The following EIPR1 variants were observed in gnomAD, a reference collection of about 807,000 sequenced individuals.
EIPR1 encodes the protein EARP and GARP complex-interacting protein 1.
EIPR1 carries 25 observed loss-of-function variants against 48.1 expected under a neutral mutation model. The ratio of observed to expected loss-of-function variants is 0.52; its 90% CI spans 0.38 to 0.73. The LOEUF is 0.73. Ranked by LOEUF, EIPR1 falls within the 30% of genes least tolerant of loss-of-function variation. The probability of loss-of-function intolerance (pLI) is 0.00; values close to 1 mark genes in which losing one functional copy is unlikely to be tolerated. For synonymous variants in EIPR1, 204 were observed against 201.9 expected (o/e 1.01, Z -0.09); for missense variants, 415 against 506.2 (o/e 0.82, Z 1.73).
In EIPR1 at chr2:3,221,742, A is replaced by G. The variant is rs13424044; in HGVS notation, c.417-7494T>C. 1.0e-3 allele frequency among the ~76,000 whole-genome samples: 10 copies of G among 9,828 alleles called. 3 individuals are homozygous for G. The highest frequency in any genetic ancestry group is 2.0e-3 in the Non-Finnish European group (5 of 2,502). 6.4% of individuals were successfully genotyped at this position (9,828 alleles called of 152,430 possible). A position where few individuals can be genotyped will look rare whatever the true frequency, so the allele number is the denominator to read the frequency against. Reference sequence around the variant, plus strand: ...CACAATGGCCAAGATACACTCTAGAACATTCACAGTGAGTCGGGAACACAT... The same window carrying G: ...CACAATGGCCAAGATACACTCTAGAGCATTCACAGTGAGTCGGGAACACAT... On this transcript the variant is annotated intron_variant, in intron 4 of 8. Coordinates refer to ENST00000382125, the MANE Select transcript of EIPR1 (RefSeq NM_003310.5).
At chr2:3,247,337 G>A (rs1666864918) in intron 4 of EIPR1, among the ~76,000 whole-genome samples, 1 of 152,108 alleles carries the variant, frequency 6.6e-6, no homozygotes, top group Non-Finnish European at 1.5e-5. Flanking sequence ...TACAGTGAAG[G>A]TGCATAACTC....
At chr2:3,319,121 A>G in intron 3 of EIPR1, 1 of 359,136 alleles carries the variant, frequency 2.8e-6, no homozygotes, top group South Asian at 2.1e-5. Flanking sequence ...GTCATTACAA[A>G]TGTCACTCTG....
At chr2:3,236,446 C>A (rs943808614) in intron 4 of EIPR1, among the ~76,000 whole-genome samples, 1 of 152,184 alleles carries the variant, frequency 6.6e-6, no homozygotes, top group Non-Finnish European at 1.5e-5. Flanking sequence ...TGACTTCACT[C>A]AGGAGGAGGA....
At chr2:3,325,127 A>T (rs1038966178) in intron 3 of EIPR1, among the ~76,000 whole-genome samples, 1 of 152,168 alleles carries the variant, frequency 6.6e-6, no homozygotes, top group Non-Finnish European at 1.5e-5. Context: ...CAGAGCTACA[A>T]CTGGGCCCAA....
In EIPR1 at chr2:3,189,338, A is replaced by G; in HGVS notation, c.1160T>C (p.Leu387Pro). Residue 387 changes from leucine to proline, a missense_variant, in exon 9 of 9, where the codon CTA (leucine) becomes CCA (proline). By Grantham distance (98) the Leu-to-Pro change is moderately conservative. Transcript: ENST00000382125. This position sits in a 1 kb window ranked among gnomAD's most constrained non-coding sequence, Gnocchi z 4.6. ...TGGATAACCCAGGCCCGGGAGTCAT[A>G]GCAGGATGTGGTACTTCAGGGCCCT... ...VPRALKYHIL[L>P] 6.3e-7 allele frequency: 1 copy of G among 1,582,508 alleles called. No homozygotes were observed. The highest frequency in any genetic ancestry group is 8.6e-7 in the Non-Finnish European group (1 of 1,157,464).
intron 2 of EIPR1, among the ~76,000 whole-genome samples, chr2:3,343,155 C>A (rs141987983): frequency 6.6e-6 from 1 of 152,180 alleles, no homozygotes; most frequent in East Asian, 1.9e-4. Context: ...TCCTGGCATG[C>A]GAGCTCTGCC....
At chr2:3,264,497 G>T (rs1667427989) in intron 3 of EIPR1, among the ~76,000 whole-genome samples, 1 of 152,190 alleles carries the variant, frequency 6.6e-6, no homozygotes, top group Non-Finnish European at 1.5e-5. Flanking sequence ...AAATAAGGAA[G>T]CTCCAAGCAC....
intron 3 of EIPR1, among the ~76,000 whole-genome samples, chr2:3,274,176 T>A (rs2694081): frequency 0.57 from 86,740 of 151,972 alleles, 25,124 homozygotes; most frequent in East Asian, 0.75. Flanking sequence ...TACCCTTAAG[T>A]GGGGTGCACA....
chr2:3,213,577 C>T (rs115640769), intron 5 of EIPR1, among the ~76,000 whole-genome samples: 1 of 152,332 alleles, frequency 6.6e-6, no homozygotes, highest in African/African-American at 2.4e-5. Flanking sequence ...GTCAAAAGGA[C>T]AGCACGCTTG....
At chr2:3,318,888 C>T (rs1457479869) in intron 3 of EIPR1, 1 of 471,342 alleles carries the variant, frequency 2.1e-6, no homozygotes, top group Non-Finnish European at 4.4e-6. Context: ...AGACCTGGTG[C>T]AACGTGTTTA....
chr2:3,319,472 AT>A (rs1208258379), intron 3 of EIPR1: 1 of 163,512 alleles, frequency 6.1e-6, no homozygotes, highest in Non-Finnish European at 1.3e-5. Context: ...CCGTTACCTC[AT>A]GTATAAAATA....
intron 3 of EIPR1, among the ~76,000 whole-genome samples, chr2:3,311,503 T>G (rs906476507): frequency 2.6e-5 from 4 of 152,178 alleles, no homozygotes; most frequent in Non-Finnish European, 5.9e-5. Context: ...GTGGCATATT[T>G]TAAATCTGAG....
At chr2:3,210,792 G>A (rs931101142) in intron 5 of EIPR1, among the ~76,000 whole-genome samples, 1 of 152,018 alleles carries the variant, frequency 6.6e-6, no homozygotes, top group African/African-American at 2.4e-5. Context: ...CACCACGCCT[G>A]GCTAATTTAT....
chr2:3,211,894 C>G (rs1187364152), intron 5 of EIPR1, among the ~76,000 whole-genome samples: 1 of 152,258 alleles, frequency 6.6e-6, no homozygotes, highest in African/African-American at 2.4e-5. Flanking sequence ...TCCCTCTACC[C>G]TCATCGGGGT....
chr2:3,350,298 G>A (rs1467564192), intron 2 of EIPR1, among the ~76,000 whole-genome samples: 1 of 152,048 alleles, frequency 6.6e-6, no homozygotes, highest in African/African-American at 2.4e-5. Context: ...ATGGCAATAG[G>A]AGAGAGCATG....
intron 2 of EIPR1, among the ~76,000 whole-genome samples, chr2:3,346,130 T>G (rs974186344): frequency 6.6e-6 from 1 of 152,204 alleles, no homozygotes; most frequent in African/African-American, 2.4e-5. Context: ...CATAGGCCCA[T>G]GCGGGAGGGC....
chr2:3,296,765 C>T (rs961282896), intron 3 of EIPR1, among the ~76,000 whole-genome samples: 20 of 152,092 alleles, frequency 1.3e-4, no homozygotes, highest in Admixed American at 3.3e-4. Context: ...CCTCTCTACA[C>T]ACACAGATTG....
At chr2:3,338,173 A>G in intron 2 of EIPR1, 24 bp from the exon 3 acceptor site, 1 of 1,606,414 alleles carries the variant, frequency 6.2e-7, no homozygotes, top group Non-Finnish European at 8.5e-7. Flanking sequence ...AAAAGAGCAC[A>G]TCAGGATCTC....
chr2:3,337,005 G>C lies in EIPR1; in HGVS notation c.259+1012C>G, dbSNP rs564043737. On this transcript the variant is annotated intron_variant, in intron 3 of 8. Coordinates refer to ENST00000382125, the MANE Select transcript of EIPR1 (RefSeq NM_003310.5). ...AAGGGAAAGGAAGAAGGAAGGGAAA[G>C]GGAAGGGAAAAGGGAAAAGGGAAGG... Among the ~76,000 whole-genome samples, 39 of 130,540 alleles carry C rather than the reference G, an allele frequency of 3.0e-4. 4 individuals are homozygous for C. The highest frequency in any genetic ancestry group is 1.0e-3 in the African/African-American group (35 of 34,236). 85.6% of individuals were successfully genotyped at this position (130,540 alleles called of 152,430 possible). A position where few individuals can be genotyped will look rare whatever the true frequency, so the allele number is the denominator to read the frequency against.
Sources: gnomAD v4.1 joint callset for allele counts (sites outside exome capture counted in the v4.1 genomes callset) on GRCh38, gnomAD v4.1.1 for gene constraint, Gnocchi (gnomAD v3.1) non-coding constraint, MANE v1.5 for transcripts, NCBI Gene and HGNC (gene_info 2026-07-23, HGNC 2026-07-21) for gene names.